ZNF417: variants seen among roughly 807,000 people sequenced by gnomAD.
The protein encoded by ZNF417 is zinc finger protein 417.
A neutral mutation model predicts 7.4 loss-of-function variants in ZNF417; 5 were observed. That is an observed-to-expected ratio of 0.68 (90% confidence interval 0.35 to 1.43). ZNF417 has a LOEUF of 1.43. ZNF417 is among the 40% of genes most tolerant of loss of function. The probability of loss-of-function intolerance (pLI) is 0.04; values close to 1 mark genes in which losing one functional copy is unlikely to be tolerated. For synonymous variants in ZNF417, 147 were observed against 239.1 expected (o/e 0.61, Z 3.55); for missense variants, 437 against 697.3 (o/e 0.63, Z 4.20).
At chr19:57,912,453 T>C (rs551957210) in intron 1 of ZNF417, among the ~76,000 whole-genome samples, 1 of 152,302 alleles carries the variant, frequency 6.6e-6, no homozygotes, top group South Asian at 2.1e-4. Context: ...TCCAAGCTCA[T>C]GTAAAGCCCA....
At position 57,908,379 on chromosome 19, in the gene ZNF417, G is replaced by C; in HGVS notation, c.*171C>G. On this transcript the variant is annotated 3_prime_UTR_variant, in exon 3 of 3. Transcript: ENST00000312026. ...AGATTGCACCACTGCACTCCAGCCTGGGTGACAGAATGAGACTCCGTTCCA... is the reference window on the plus strand; with the variant it reads ...AGATTGCACCACTGCACTCCAGCCTCGGTGACAGAATGAGACTCCGTTCCA... 7.8e-7 allele frequency: 1 copy of C among 1,284,990 alleles called. No homozygotes were observed. The highest frequency in any genetic ancestry group is 2.4e-5 in the East Asian group (1 of 41,964). The allele number at this position is 1,284,990 out of a possible 1,614,324, so 79.6% of individuals were successfully genotyped here. A position where few individuals can be genotyped will look rare whatever the true frequency, so the allele number is the denominator to read the frequency against.
intron 1 of ZNF417, among the ~76,000 whole-genome samples, chr19:57,915,949 C>A (rs541885802): frequency 6.6e-6 from 1 of 152,250 alleles, no homozygotes; most frequent in Admixed American, 6.5e-5. Context: ...GTTCTGCCAT[C>A]CCACCCAGAA....
chr19:57,916,416 C>T lies in ZNF417; in HGVS notation c.-5G>A. On this transcript the variant is annotated 5_prime_UTR_variant, in exon 1 of 3. Coordinates refer to ENST00000312026, the MANE Select transcript of ZNF417 (RefSeq NM_152475.3). ...CCTCGGCGCAGCCGCTGCCATCGGA[C>T]TACTTGGGGAAGCACGGCCCGGGAG... The T allele has an allele frequency of 6.2e-7, 1 of 1,613,022 alleles. No homozygotes were observed. The highest frequency in any genetic ancestry group is 8.5e-7 in the Non-Finnish European group (1 of 1,180,038).
intron 1 of ZNF417, among the ~76,000 whole-genome samples, chr19:57,915,954 C>T (rs2071943510): frequency 6.6e-6 from 1 of 152,114 alleles, no homozygotes; most frequent in Non-Finnish European, 1.5e-5. Flanking sequence ...GCCATCCCAC[C>T]CAGAACAGAA....
chr19:57,912,331 T>C, intron 1 of ZNF417, 142 bp from the exon 2 acceptor site: 1 of 1,442,372 alleles, frequency 6.9e-7, no homozygotes, highest in East Asian at 2.4e-5. Context: ...TGCCTTTGTC[T>C]CTTCATGGGC....
At chr19:57,912,410 A>AT (rs1332790121) in intron 1 of ZNF417, among the ~76,000 whole-genome samples, 2 of 152,320 alleles carry the variant, frequency 1.3e-5, no homozygotes, top group Non-Finnish European at 1.5e-5. Context: ...AGGTCCTGAC[A>AT]TAAAAAGGTC....
At chr19:57,913,189 G>C (rs988524083) in intron 1 of ZNF417, among the ~76,000 whole-genome samples, 10 of 151,748 alleles carry the variant, frequency 6.6e-5, no homozygotes, top group Non-Finnish European at 1.2e-4. Flanking sequence ...CATCATATTG[G>C]GCCTTCAATT....
Position 57,907,285 on chromosome 19 carries a change from CAG to C in ZNF417, c.*1263_*1264del. 1 of 152,434 alleles carries C rather than the reference CAG, an allele frequency of 6.6e-6. No homozygotes were observed. The highest frequency in any genetic ancestry group is 2.1e-4 in the South Asian group (1 of 4,832). The allele number at this position is 152,434 out of a possible 1,614,324, so 9.4% of individuals were successfully genotyped here. ...TCCATGAAGCATCTTAGTAAAATAACAGATATTCCATTTGCAAATTATGCTCC... is the reference window on the plus strand; with the variant it reads ...TCCATGAAGCATCTTAGTAAAATAACATATTCCATTTGCAAATTATGCTCC... On this transcript the variant is annotated 3_prime_UTR_variant, in exon 3 of 3. Coordinates refer to ENST00000312026, the MANE Select transcript of ZNF417 (RefSeq NM_152475.3).
chr19:57,911,737 G>C (rs1308458345), intron 2 of ZNF417, among the ~76,000 whole-genome samples: 3 of 152,168 alleles, frequency 2.0e-5, no homozygotes, highest in African/African-American at 7.2e-5. Context: ...AGCATTGTCA[G>C]ATAGAGGAAG....
chr19:57,908,462 G>A lies in ZNF417; in HGVS notation c.*88C>T. On this transcript the variant is annotated 3_prime_UTR_variant, in exon 3 of 3. Transcript: ENST00000312026. ...CATTCTGATGTTTCCCAGATTGACAGCACTCATAAGGCCTTTCTCCAGTAT... is the reference window on the plus strand; with the variant it reads ...CATTCTGATGTTTCCCAGATTGACAACACTCATAAGGCCTTTCTCCAGTAT... 1 of 1,597,210 alleles carries A rather than the reference G, an allele frequency of 6.3e-7. No homozygotes were observed. Among genetic ancestry groups the A allele is most frequent in the African/African-American group, 1.3e-5 (1 of 74,542 alleles).
At chr19:57,913,926 A>C (rs2071921312) in intron 1 of ZNF417, among the ~76,000 whole-genome samples, 4 of 152,164 alleles carry the variant, frequency 2.6e-5, no homozygotes, top group Admixed American at 2.0e-4. Flanking sequence ...AAGTTCACCC[A>C]TTAGCTTTCA....
rs761641771 is a variant in ZNF417, at chr19:57,908,851, T to C, written c.1427A>G (p.Lys476Arg). ...CCTCTGATGTATAGTCACGCAGTTC[T>C]TATTACCAAATAATTTCCCACATAC... ...CEVCGKLFGN[K>R]NCVTIHQRIH... is the part of the protein sequence containing the mutation. Residue 476 changes from lysine (K) to arginine (R), a missense_variant, in exon 3 of 3, where the codon AAG (lysine) becomes AGG (arginine). Physicochemically the swap from Lys to Arg is conservative, Grantham distance 26. Transcript: ENST00000312026. The C allele has an allele frequency of 6.2e-7, 1 of 1,614,168 alleles. No homozygotes were observed.
chr19:57,911,942 A>T (rs1360937748), intron 2 of ZNF417, 118 bp downstream of exon 2: 1 of 1,469,458 alleles, frequency 6.8e-7, no homozygotes, highest in Non-Finnish European at 9.0e-7. Context: ...ACTTACATAG[A>T]GAAGTGTAGA....
chr19:57,909,687 A>G lies in ZNF417; in HGVS notation c.591T>C (p.Ser197=), dbSNP rs367906271. 9 of 1,517,744 alleles carry G rather than the reference A, an allele frequency of 5.9e-6. 1 individual carries two copies. The highest frequency in any genetic ancestry group is 7.2e-6 in the Non-Finnish European group (8 of 1,116,734). The allele number at this position is 1,517,744 out of a possible 1,614,324, so 94.0% of individuals were successfully genotyped here. Reference sequence around the variant, plus strand: ...GAAAGGGTGGGCCATGCATAGTTTCACTGTCTGTCTTCTCTACAGCAGCTG... The same window carrying G: ...GAAAGGGTGGGCCATGCATAGTTTCGCTGTCTGTCTTCTCTACAGCAGCTG... The part of the protein sequence containing the change: ...QEAAAVEKTD[S]ETMHGPPFQE... Residue 197 remains serine, a synonymous_variant, in exon 3 of 3, where the codon AGT becomes AGC. Coordinates refer to ENST00000312026, the MANE Select transcript of ZNF417 (RefSeq NM_152475.3).
Position 57,908,298 on chromosome 19 carries a change from G to A in ZNF417, c.*252C>T, listed in dbSNP as rs968839062. On this transcript the variant is annotated 3_prime_UTR_variant, in exon 3 of 3. Transcript: ENST00000312026. ...GTGTACTCGTAATCTCAGCTCCTTGGGAGGCTGAGGTAGGAGAATCACTTG... is the reference window on the plus strand; with the variant it reads ...GTGTACTCGTAATCTCAGCTCCTTGAGAGGCTGAGGTAGGAGAATCACTTG... 4 of 584,808 alleles carry A rather than the reference G, an allele frequency of 6.8e-6. No homozygotes were observed. Among genetic ancestry groups the A allele is most frequent in the African/African-American group, 5.6e-5 (3 of 53,420 alleles). 36.2% of individuals were successfully genotyped at this position (584,808 alleles called of 1,614,324 possible).
rs1351209292 is a variant in ZNF417, at chr19:57,906,925, C to G, written c.*1625G>C. On this transcript the variant is annotated 3_prime_UTR_variant, in exon 3 of 3. Coordinates refer to ENST00000312026, the MANE Select transcript of ZNF417 (RefSeq NM_152475.3). ...CTGGAGTGCAGTGGTGCAATCTCGG[C>G]TCACTGCAACCTATGCCTCCCAGGT... The G allele has an allele frequency of 1.7e-4, 22 of 130,346 alleles. No individual in the cohort carries two copies. The highest frequency in any genetic ancestry group is 6.6e-4 in the African/African-American group (22 of 33,482). The allele number at this position is 130,346 out of a possible 1,614,324, so 8.1% of individuals were successfully genotyped here. A position where few individuals can be genotyped will look rare whatever the true frequency, so the allele number is the denominator to read the frequency against.
At position 57,909,981 on chromosome 19, in the gene ZNF417, G is replaced by C. The variant is rs774913918; in HGVS notation, c.297C>G (p.Leu99=). The change falls in exon 3 of 3, where the codon CTC becomes CTG. Residue 99 remains leucine, a synonymous_variant. Coordinates refer to ENST00000312026, the MANE Select transcript of ZNF417 (RefSeq NM_152475.3). ...CAAAGTGAAAAACATCCTCCAAGAT[G>C]AGGCCACACATTTCACAGGGGTGAG... ...KKAHPCEMCG[L]ILEDVFHFAD... is the part of the protein sequence containing the mutation. The C allele has an allele frequency of 6.3e-7, 1 of 1,590,490 alleles. No individual in the cohort carries two copies. The highest frequency in any genetic ancestry group is 2.3e-5 in the East Asian group (1 of 44,210).
intron 2 of ZNF417, among the ~76,000 whole-genome samples, chr19:57,911,132 G>A (rs752210517): frequency 6.6e-6 from 1 of 152,176 alleles, no homozygotes; most frequent in African/African-American, 2.4e-5. Context: ...GTTTAACATA[G>A]GGCATACACT....
chr19:57,912,120 C>G lies in ZNF417; in HGVS notation c.103G>C (p.Ala35Pro). Reference sequence around the variant, plus strand: ...ACATCACGGTACAAGCACCTCTGAGCCTCACTAAGAAGACACCACTCCTCC... The same window carrying G: ...ACATCACGGTACAAGCACCTCTGAGGCTCACTAAGAAGACACCACTCCTCC... ...SQEEWCLLSE[A>P]QRCLYRDVML... Residue 35 changes from alanine to proline, a missense_variant, in exon 2 of 3, where the codon GCT (alanine) becomes CCT (proline). Around this residue, in one of 5 missense-constraint regions of ZNF417, gnomAD observed 57 missense variants for 70.7 expected, o/e 0.81. Transcript: ENST00000312026. 6.2e-7 allele frequency: 1 copy of G among 1,612,674 alleles called. No individual in the cohort carries two copies. The highest frequency in any genetic ancestry group is 1.3e-5 in the African/African-American group (1 of 74,944).
Sources: gnomAD v4.1 joint callset for allele counts (sites outside exome capture counted in the v4.1 genomes callset) on GRCh38, gnomAD v4.1.1 for gene constraint, gnomAD v4.1.1 regional missense constraint, MANE v1.5 for transcripts, NCBI Gene and HGNC (gene_info 2026-07-23, HGNC 2026-07-21) for gene names.